AMD1: variants seen among roughly 807,000 people sequenced by gnomAD.
The protein encoded by AMD1 is adenosylmethionine decarboxylase 1.
A neutral mutation model predicts 40.2 loss-of-function variants in AMD1; 11 were observed. That is an observed-to-expected ratio of 0.27 (90% CI 0.17 to 0.45). AMD1 has a LOEUF of 0.45. Among genes scored for constraint, AMD1 ranks in the 20% least tolerant of loss-of-function variants. The probability of loss-of-function intolerance (pLI) is 1.00; values close to 1 mark genes in which losing one functional copy is unlikely to be tolerated. For synonymous variants in AMD1, 121 were observed against 130.8 expected (o/e 0.93, Z 0.51); for missense variants, 257 against 410.2 (o/e 0.63, Z 3.23).
At chr6:110,844,449 T>C in the AMD1 span, among the ~76,000 whole-genome samples, 1 of 151,758 alleles carries the variant, frequency 6.6e-6, no homozygotes, top group South Asian at 2.1e-4. Context: ...TGAGCCGCCT[T>C]GCCTGGCCAA....
chr6:110,891,422 A>T (rs1362809985), intron 4 of AMD1: 2 of 152,226 alleles, frequency 1.3e-5, no homozygotes, highest in Non-Finnish European at 1.5e-5. Flanking sequence ...GCTTTTTAAA[A>T]TTGCACAGTG....
chr6:110,835,074 AG>A, the AMD1 span, among the ~76,000 whole-genome samples: 1 of 144,724 alleles, frequency 6.9e-6, no homozygotes, highest in African/African-American at 2.6e-5. Context: ...GCTGGAGTGC[AG>A]TGGCACGATC....
chr6:110,822,171 A>G, the AMD1 span, among the ~76,000 whole-genome samples: 3 of 152,106 alleles, frequency 2.0e-5, no homozygotes, highest in Non-Finnish European at 4.4e-5. Flanking sequence ...ACACCACTAC[A>G]CTGTAGCCTG....
At chr6:110,892,125 G>A in intron 4 of AMD1, 36 bp from the exon 5 acceptor site, 2 of 1,606,104 alleles carry the variant, frequency 1.2e-6, no homozygotes, top group South Asian at 1.1e-5. Flanking sequence ...TTAAATGGAT[G>A]TGTTATATTT....
At chr6:110,873,067 T>C (rs769282821), upstream of AMD1, among the ~76,000 whole-genome samples, 1 of 152,128 alleles carries the variant, frequency 6.6e-6, no homozygotes, top group Non-Finnish European at 1.5e-5. Flanking sequence ...GCAGTTTGAG[T>C]TGGATGCTTA....
In AMD1 at chr6:110,893,739, T is replaced by A; in HGVS notation, c.*123T>A. The A allele has an allele frequency of 9.3e-7, 1 of 1,076,042 alleles. No homozygotes were observed. The highest frequency in any genetic ancestry group is 1.3e-6 in the Non-Finnish European group (1 of 758,778). The allele number at this position is 1,076,042 out of a possible 1,614,324, so 66.7% of individuals were successfully genotyped here. A position where few individuals can be genotyped will look rare whatever the true frequency, so the allele number is the denominator to read the frequency against. On this transcript the variant is annotated 3_prime_UTR_variant, in exon 9 of 9. Transcript: ENST00000368885. ...ACCACTGTGTAGTTGCAGAAAGCCCTAGATGTAATGATAGTGTAATCATTT... is the reference window on the plus strand; with the variant it reads ...ACCACTGTGTAGTTGCAGAAAGCCCAAGATGTAATGATAGTGTAATCATTT...
At chr6:110,875,271 A>T in intron 1 of AMD1, 56 bp downstream of exon 1, 3 of 1,387,710 alleles carry the variant, frequency 2.2e-6, no homozygotes, top group Middle Eastern at 1.8e-4. Context: ...GCCGCCGCCG[A>T]GGCACCAGCC....
At chr6:110,854,868 T>C in the AMD1 span, among the ~76,000 whole-genome samples, 1 of 152,204 alleles carries the variant, frequency 6.6e-6, no homozygotes, top group Non-Finnish European at 1.5e-5. Flanking sequence ...CCTGATTTTT[T>C]GCTTTCTTAT....
the AMD1 span, among the ~76,000 whole-genome samples, chr6:110,853,237 G>A: frequency 0.011 from 1,736 of 151,124 alleles, 10 homozygotes; most frequent in Non-Finnish European, 0.018. Flanking sequence ...ATTCTCCTGC[G>A]TCAGCCTCCT....
intron 1 of AMD1, among the ~76,000 whole-genome samples, chr6:110,885,951 T>C (rs1474144041): frequency 6.6e-6 from 1 of 152,180 alleles, no homozygotes; most frequent in African/African-American, 2.4e-5. Context: ...AAAGGTCTTA[T>C]CTGGTTAACA....
chr6:110,875,318 G>C (rs956337716), intron 1 of AMD1, 103 bp downstream of exon 1: 3 of 971,006 alleles, frequency 3.1e-6, no homozygotes, highest in African/African-American at 3.3e-5. Context: ...TTTCAGTTGG[G>C]GGCAAGTCTG....
the AMD1 span, among the ~76,000 whole-genome samples, chr6:110,846,699 G>A: frequency 1.4e-3 from 214 of 152,080 alleles, no homozygotes; most frequent in African/African-American, 4.9e-3. Context: ...GTGAAAGCTC[G>A]TCTCTACTAA....
chr6:110,887,772 G>A (rs1206529147), intron 2 of AMD1, among the ~76,000 whole-genome samples, 181 bp downstream of exon 2: 1 of 151,988 alleles, frequency 6.6e-6, no homozygotes, highest in Non-Finnish European at 1.5e-5. Flanking sequence ...TGCAACCTCC[G>A]CCTCCTTGGT....
At chr6:110,893,394 A>T in intron 8 of AMD1, 82 bp from the exon 9 acceptor site, 2 of 1,551,512 alleles carry the variant, frequency 1.3e-6, no homozygotes, top group Non-Finnish European at 1.8e-6. Context: ...TCATTAAGAT[A>T]AAAGTCTGTC....
the AMD1 span, among the ~76,000 whole-genome samples, chr6:110,822,505 C>T: frequency 6.6e-6 from 1 of 152,020 alleles, no homozygotes; most frequent in East Asian, 1.9e-4. Context: ...TCCTACTGAA[C>T]CAATTCCAAA....
the AMD1 span, among the ~76,000 whole-genome samples, chr6:110,853,191 T>G: frequency 6.6e-6 from 1 of 151,978 alleles, no homozygotes; most frequent in African/African-American, 2.4e-5. Flanking sequence ...GGTGTCATCT[T>G]GGCTCCCTGC....
chr6:110,861,068 A>C, the AMD1 span, among the ~76,000 whole-genome samples: 1 of 152,032 alleles, frequency 6.6e-6, no homozygotes, highest in Non-Finnish European at 1.5e-5. Flanking sequence ...CACAAAAATT[A>C]GCCAGATGGG....
rs375555022 is a variant in AMD1, at chr6:110,893,504, C to T, written c.893C>T (p.Ser298Leu). The change falls in exon 9 of 9, where the codon TCG becomes TTG. Residue 298 changes from serine (S) to leucine (L), a missense_variant. Coordinates refer to ENST00000368885, the MANE Select transcript of AMD1 (RefSeq NM_001634.6). ...QSSKCRTVLASPQKIEGFKRL... is the reference protein window; with the variant it reads ...QSSKCRTVLALPQKIEGFKRL... ...TCTAAATGTCGCACAGTGCTTGCTT[C>T]GCCCCAGAAGATTGAAGGTTTTAAG... 5.6e-6 allele frequency: 9 copies of T among 1,613,946 alleles called. No homozygotes were observed. Among genetic ancestry groups the T allele is most frequent in the East Asian group, 4.5e-5 (2 of 44,892 alleles).
At chr6:110,835,121 C>A in the AMD1 span, among the ~76,000 whole-genome samples, 1 of 150,410 alleles carries the variant, frequency 6.6e-6, no homozygotes, top group Admixed American at 6.6e-5. Flanking sequence ...TGGGTTCACA[C>A]CATTCTCCTG....
Sources: gnomAD v4.1 joint callset for allele counts (sites outside exome capture counted in the v4.1 genomes callset) on GRCh38, gnomAD v4.1.1 for gene constraint, MANE v1.5 for transcripts, NCBI Gene and HGNC (gene_info 2026-07-23, HGNC 2026-07-21) for gene names.